The following SLC25A13 variants were observed in gnomAD, a reference collection of about 807,000 sequenced individuals.
The protein encoded by SLC25A13 is solute carrier family 25 member 13.
In SLC25A13, 70 loss-of-function variants were observed where a neutral mutation model predicts 85.5. The ratio of observed to expected loss-of-function variants is 0.82; its 90% CI spans 0.68 to 1.00. The LOEUF (loss-of-function observed/expected upper bound fraction) is 1.00. Ranked by LOEUF, SLC25A13 falls within the 50% of genes least tolerant of loss-of-function variation. The probability of loss-of-function intolerance (pLI) is 0.00; values close to 1 mark genes in which losing one functional copy is unlikely to be tolerated. For synonymous variants in SLC25A13, 259 were observed against 288.7 expected, an observed-to-expected ratio of 0.90 and a Z score of 1.04; for missense variants, 765 against 819.8, an observed-to-expected ratio of 0.93 and a Z score of 0.82.
chr7:96,176,170 T>G (rs898947425), intron 11 of SLC25A13, among the ~76,000 whole-genome samples: 5 of 152,208 alleles, frequency 3.3e-5, no homozygotes, highest in African/African-American at 9.6e-5. Context: ...CAGTAATGCC[T>G]AAAGCAGAGA....
At position 96,193,144 on chromosome 7, in the gene SLC25A13, G is replaced by A. The variant is rs111674765; in HGVS notation, c.508C>T (p.Arg170Trp). 19 of 1,613,892 alleles carry A rather than the reference G, an allele frequency of 1.2e-5. No homozygotes were observed. Among genetic ancestry groups the A allele is most frequent in the South Asian group, 2.2e-5 (2 of 91,056 alleles). The change falls in exon 6 of 18, where the codon CGG (arginine) becomes TGG (tryptophan). Residue 170 changes from arginine (R) to tryptophan (W), a missense_variant. Coordinates refer to ENST00000265631, the MANE Select transcript of SLC25A13 (RefSeq NM_014251.3). ...LEHAKQAFVQRDNARTGRVTA... is the reference protein window; with the variant it reads ...LEHAKQAFVQWDNARTGRVTA... ...ACTCTCCCAGTCCTAGCATTGTCCC[G>A]TTGCACAAAGGCTTGCTTTGCGTGC... is the stretch of plus-strand genomic sequence containing the variant.
At chr7:96,273,336 C>A (rs762628233) in intron 3 of SLC25A13, among the ~76,000 whole-genome samples, 3 of 151,936 alleles carry the variant, frequency 2.0e-5, no homozygotes, top group Non-Finnish European at 4.4e-5. Flanking sequence ...AAGAAAGAAA[C>A]AAGAATAGGC....
Position 96,191,092 on chromosome 7 carries a change from G to A in SLC25A13, c.754+17C>T, listed in dbSNP as rs780284364. The A allele has an allele frequency of 1.9e-6, 3 of 1,613,742 alleles. No homozygotes were observed. Among genetic ancestry groups the A allele is most frequent in the Non-Finnish European group, 2.5e-6 (3 of 1,179,898 alleles). On this transcript the variant is annotated intron_variant, in intron 7 of 17. Transcript: ENST00000265631. ...CACAATACTTGCAGGCTAGAATTCA[G>A]ATATATTCTCACTCACCCTTAGTCA... is the stretch of plus-strand genomic sequence containing the variant.
At chr7:96,294,531 C>T (rs1431973548) in intron 2 of SLC25A13, among the ~76,000 whole-genome samples, 1 of 151,646 alleles carries the variant, frequency 6.6e-6, no homozygotes, top group Non-Finnish European at 1.5e-5. Context: ...ATCACATGAA[C>T]CCGGGAGACA....
At position 96,184,962 on chromosome 7, in the gene SLC25A13, G is replaced by A. The variant is rs1484296612; in HGVS notation, c.983C>T (p.Ser328Leu). The A allele has an allele frequency of 1.1e-5, 17 of 1,614,044 alleles. No homozygotes were observed. The highest frequency in any genetic ancestry group is 4.4e-5 in the South Asian group (4 of 91,070). The change falls in exon 10 of 18, where the codon TCG becomes TTG. Residue 328 changes from serine to leucine, a missense_variant. Physicochemically the swap from Ser to Leu is moderately radical, Grantham distance 145. Transcript: ENST00000265631. Reference sequence around the variant, plus strand: ...AGAACCCAGACCAAACCTGTAGGCCGACTCTGCAACTTGTAGAAGAACTGG... The same window carrying A: ...AGAACCCAGACCAAACCTGTAGGCCAACTCTGCAACTTGTAGAAGAACTGG... ...ARPVLLQVAESAYRFGLGSVA... is the reference protein window; with the variant it reads ...ARPVLLQVAELAYRFGLGSVA...
At chr7:96,242,391 C>CA (rs1797029907) in intron 3 of SLC25A13, among the ~76,000 whole-genome samples, 1 of 152,128 alleles carries the variant, frequency 6.6e-6, no homozygotes, top group Non-Finnish European at 1.5e-5. Context: ...ATATTCCTTG[C>CA]AAATACACAT....
chr7:96,267,625 C>T (rs967795618), intron 3 of SLC25A13, among the ~76,000 whole-genome samples: 6 of 152,042 alleles, frequency 3.9e-5, no homozygotes, highest in Middle Eastern at 6.8e-3. Flanking sequence ...ACAAGCCTGA[C>T]CAACATGGGG....
rs149440693 is a variant in SLC25A13 at position 96,183,395 on chromosome 7, A to T, written c.1177+882T>A. 5.6e-3 allele frequency among the ~76,000 whole-genome samples: 858 copies of T among 152,290 alleles called. 7 individuals are homozygous for T. The highest frequency in any genetic ancestry group is 0.019 in the African/African-American group (794 of 41,548). ...TCCATGTCTGCCAGTTTCACCGTCC[A>T]CCTCAGCAGAGTACTAAATACTGTT... On this transcript the variant is annotated intron_variant, in intron 11 of 17. Coordinates refer to ENST00000265631, the MANE Select transcript of SLC25A13 (RefSeq NM_014251.3).
chr7:96,209,050 G>A, intron 4 of SLC25A13, 73 bp from the exon 5 acceptor site: 6 of 1,441,286 alleles, frequency 4.2e-6, no homozygotes, highest in Non-Finnish European at 4.8e-6. Flanking sequence ...GTTATTGAAT[G>A]GATATCGCTT....
chr7:96,141,151 T>C (rs1046948227), intron 14 of SLC25A13, among the ~76,000 whole-genome samples: 7 of 151,958 alleles, frequency 4.6e-5, no homozygotes, highest in African/African-American at 1.7e-4. Context: ...GCCTCCCAAG[T>C]AGCTGGGACT....
At chr7:96,282,973 T>C (rs1234899766) in intron 2 of SLC25A13, among the ~76,000 whole-genome samples, 1 of 152,120 alleles carries the variant, frequency 6.6e-6, no homozygotes, top group Admixed American at 6.5e-5. Context: ...ATAATCTGAG[T>C]TGATATAATG....
chr7:96,213,894 C>T (rs1246182763), intron 4 of SLC25A13, among the ~76,000 whole-genome samples: 1 of 152,110 alleles, frequency 6.6e-6, no homozygotes, highest in East Asian at 1.9e-4. Flanking sequence ...TCAGCCACTC[C>T]TCCTAAAAGT....
chr7:96,163,936 A>C (rs988797250), intron 13 of SLC25A13, among the ~76,000 whole-genome samples: 12 of 152,200 alleles, frequency 7.9e-5, no homozygotes, highest in African/African-American at 2.7e-4. Flanking sequence ...TAAAAAGTAG[A>C]CACCAGAAGA....
chr7:96,196,141 G>A (rs1326069180), intron 5 of SLC25A13, among the ~76,000 whole-genome samples: 1 of 152,168 alleles, frequency 6.6e-6, no homozygotes, highest in Non-Finnish European at 1.5e-5. Flanking sequence ...AACAATGGGA[G>A]GTTCTCTATA....
chr7:96,313,530 A>G (rs1800020544), intron 1 of SLC25A13, among the ~76,000 whole-genome samples: 1 of 152,202 alleles, frequency 6.6e-6, no homozygotes, highest in African/African-American at 2.4e-5. Flanking sequence ...CAAATATCAC[A>G]TGTTCTCACT....
Position 96,309,030 on chromosome 7 carries a change from T to C in SLC25A13, c.16-12079A>G, listed in dbSNP as rs116881837. Among the ~76,000 whole-genome samples the C allele has an allele frequency of 4.8e-3, 725 of 152,344 alleles. 5 individuals carry two copies. The highest frequency in any genetic ancestry group is 0.027 in the South Asian group (130 of 4,824). ...TGAGCTGGGAGGCAATGAAAAGATG[T>C]TGGCATCCTCAAACTCAGAATCAAC... On this transcript the variant is annotated intron_variant, in intron 1 of 17. Transcript: ENST00000265631.
intron 2 of SLC25A13, among the ~76,000 whole-genome samples, chr7:96,293,093 T>C (rs148300475): frequency 6.6e-6 from 1 of 152,080 alleles, no homozygotes; most frequent in Non-Finnish European, 1.5e-5. Context: ...CATAGACCAA[T>C]GGAACAGAAC....
intron 13 of SLC25A13, among the ~76,000 whole-genome samples, chr7:96,156,513 A>G (rs1793270106): frequency 6.6e-6 from 1 of 151,598 alleles, no homozygotes; most frequent in African/African-American, 2.4e-5. Flanking sequence ...GTGCAGTGGC[A>G]TGATCTTAGC....
rs531800049 is a variant in SLC25A13, at chr7:96,192,944, C to T, written c.615+93G>A. 8.7e-6 allele frequency: 12 copies of T among 1,381,768 alleles called. No individual in the cohort carries two copies. The Admixed American group carries it at 2.1e-4, about 24-fold the overall frequency. 85.6% of individuals were successfully genotyped at this position (1,381,768 alleles called of 1,614,324 possible). Reference sequence around the variant, plus strand: ...CACATTAAAATGTTAGTGTTTGCAACAGAAAAAAAACACTACATAACTTAT... The same window carrying T: ...CACATTAAAATGTTAGTGTTTGCAATAGAAAAAAAACACTACATAACTTAT... On this transcript the variant is annotated intron_variant, in intron 6 of 17. Coordinates refer to ENST00000265631, the MANE Select transcript of SLC25A13 (RefSeq NM_014251.3).
Sources: allele counts gnomAD v4.1 joint callset (sites outside exome capture counted in the v4.1 genomes callset), GRCh38; gene constraint gnomAD v4.1.1; transcripts MANE v1.5; gene names NCBI Gene and HGNC (gene_info 2026-07-23, HGNC 2026-07-21).